Variants in PCLO observed in about 807,000 individuals in gnomAD.
PCLO encodes piccolo presynaptic cytomatrix protein.
Under a neutral mutation model 427.5 loss-of-function variants are expected in PCLO, and 82 were observed. That is an observed-to-expected ratio of 0.19 (90% CI 0.16 to 0.23). The LOEUF is 0.23. Among genes scored for constraint, PCLO ranks in the 10% least tolerant of loss-of-function variants. The probability of loss-of-function intolerance (pLI) is 1.00; values close to 1 mark genes in which losing one functional copy is unlikely to be tolerated. For synonymous variants in PCLO, 2,357 were observed against 2,155.4 expected (o/e 1.09, Z -2.59); for missense variants, 6,239 against 6,115.9 (o/e 1.02, Z -0.67).
intron 2 of PCLO, among the ~76,000 whole-genome samples, chr7:83,146,882 A>G (rs1792008848): frequency 1.3e-5 from 2 of 152,036 alleles, no homozygotes; most frequent in Admixed American, 1.3e-4. Flanking sequence ...GATTACAAGC[A>G]TGAGCCACCG....
In PCLO at chr7:82,807,752, GTATAAGTTA is replaced by G. The variant is rs141559926; in HGVS notation, c.14792-1932_14792-1924del. 3.1e-3 allele frequency among the ~76,000 whole-genome samples: 468 copies of G among 152,006 alleles called. 2 individuals are homozygous for G. Among genetic ancestry groups the G allele is most frequent in the African/African-American group, 0.011 (454 of 41,502 alleles). On this transcript the variant is annotated intron_variant, in intron 20 of 24. Coordinates refer to ENST00000333891, the MANE Select transcript of PCLO (RefSeq NM_033026.6). ...AGTTAGTCAATTGTATATCAGATGT[GTATAAGTTA>G]GAAACGGCTATTTAGGAAAATGTGT...
chr7:82,836,301 C>T (rs1015264505), intron 15 of PCLO, among the ~76,000 whole-genome samples: 1 of 152,100 alleles, frequency 6.6e-6, no homozygotes, highest in Non-Finnish European at 1.5e-5. Context: ...TTATTACAGA[C>T]AAATCCTTGG....
intron 6 of PCLO, among the ~76,000 whole-genome samples, chr7:82,928,825 T>C (rs1794775415): frequency 6.6e-6 from 1 of 152,158 alleles, no homozygotes; most frequent in Admixed American, 6.6e-5. Context: ...TGGATACACA[T>C]ACTGTACAGT....
At chr7:83,035,995 C>A (rs1051785229) in intron 3 of PCLO, among the ~76,000 whole-genome samples, 3 of 152,088 alleles carry the variant, frequency 2.0e-5, no homozygotes, top group Non-Finnish European at 4.4e-5. Flanking sequence ...CTATACATTA[C>A]CTTCTTAAAT....
chr7:82,913,805 A>C (rs1172515971), intron 7 of PCLO, among the ~76,000 whole-genome samples: 2 of 152,066 alleles, frequency 1.3e-5, no homozygotes, highest in African/African-American at 2.4e-5. Context: ...TTTTTAGTTA[A>C]GTATTTACTT....
At chr7:83,141,937 T>G (rs1791871938) in intron 2 of PCLO, among the ~76,000 whole-genome samples, 1 of 152,174 alleles carries the variant, frequency 6.6e-6, no homozygotes. Flanking sequence ...AGCAATGAAG[T>G]GAATTGATAA....
At chr7:83,127,564 T>C (rs538744315) in intron 3 of PCLO, among the ~76,000 whole-genome samples, 4 of 152,214 alleles carry the variant, frequency 2.6e-5, no homozygotes, top group Admixed American at 6.5e-5. Context: ...ATTATTGAAA[T>C]AGAATTTTAA....
intron 3 of PCLO, among the ~76,000 whole-genome samples, chr7:82,978,475 T>A (rs1448154642): frequency 6.6e-6 from 1 of 152,124 alleles, no homozygotes; most frequent in African/African-American, 2.4e-5. Context: ...TTAAATCCAT[T>A]CATAAGATAA....
At chr7:82,760,941 G>GTATTTTTTTTTTT (rs1324417909) in intron 23 of PCLO, among the ~76,000 whole-genome samples, 157 bp from the exon 24 acceptor site, 1 of 87,984 alleles carries the variant, frequency 1.1e-5, no homozygotes, top group African/African-American at 3.9e-5. Flanking sequence ...TAAAAGATAT[G>GTATTTTTTTTTTT]TCTTTTTTTT....
intron 3 of PCLO, among the ~76,000 whole-genome samples, chr7:83,103,212 G>A (rs1315652348): frequency 1.3e-5 from 2 of 151,788 alleles, no homozygotes; most frequent in African/African-American, 4.8e-5. Context: ...TGCACTAACT[G>A]TAATCTACTC....
chr7:83,150,984 C>CAGTCTGT (rs1283870617), intron 2 of PCLO, among the ~76,000 whole-genome samples: 1 of 152,116 alleles, frequency 6.6e-6, no homozygotes, highest in Non-Finnish European at 1.5e-5. Context: ...GTGTTTTACA[C>CAGTCTGT]CACAACTGTG....
intron 6 of PCLO, among the ~76,000 whole-genome samples, chr7:82,934,486 T>C (rs534305337): frequency 2.1e-4 from 32 of 151,996 alleles, no homozygotes; most frequent in African/African-American, 6.7e-4. Context: ...AGTCTAACGA[T>C]GTTTATTTTA....
At chr7:83,078,292 A>G (rs1006936053) in intron 3 of PCLO, among the ~76,000 whole-genome samples, 5 of 152,104 alleles carry the variant, frequency 3.3e-5, no homozygotes, top group Non-Finnish European at 7.3e-5. Flanking sequence ...GTTATTTTCA[A>G]GTAGAATTTA....
intron 3 of PCLO, among the ~76,000 whole-genome samples, chr7:83,024,860 C>T (rs1387855970): frequency 5.9e-5 from 9 of 152,104 alleles, no homozygotes; most frequent in Non-Finnish European, 7.3e-5. Context: ...ACACCTCACA[C>T]GGCAGGGTAC....
At chr7:82,942,241 T>TA (rs1462136824) in intron 6 of PCLO, among the ~76,000 whole-genome samples, 1 of 152,238 alleles carries the variant, frequency 6.6e-6, no homozygotes, top group Non-Finnish European at 1.5e-5. Flanking sequence ...TAATTACTGT[T>TA]AAATAGTGCT....
chr7:83,068,052 T>C lies in PCLO; in HGVS notation c.3300+66198A>G, dbSNP rs1472634133. Reference sequence around the variant, plus strand: ...TACATAAGAATTCTCCTTTTAACAATATTGGGTAATATATAAAAGTCAAAA... The same window carrying C: ...TACATAAGAATTCTCCTTTTAACAACATTGGGTAATATATAAAAGTCAAAA... On this transcript the variant is annotated intron_variant, in intron 3 of 24. Coordinates refer to ENST00000333891, the MANE Select transcript of PCLO (RefSeq NM_033026.6). 2.2e-5 allele frequency among the ~76,000 whole-genome samples: 3 copies of C among 138,398 alleles called. No homozygotes were observed. The East Asian group carries it at 6.4e-4, about 30-fold the overall frequency. 90.8% of individuals were successfully genotyped at this position (138,398 alleles called of 152,430 possible).
intron 22 of PCLO, among the ~76,000 whole-genome samples, chr7:82,799,961 C>T (rs1298527521): frequency 6.6e-6 from 1 of 152,004 alleles, no homozygotes; most frequent in Non-Finnish European, 1.5e-5. Flanking sequence ...TTCTAGTTTC[C>T]TGGTTGGACA....
chr7:82,827,887 T>G lies in PCLO; in HGVS notation c.14329A>C (p.Ile4777Leu), dbSNP rs1791987785. The G allele has an allele frequency of 6.4e-7, 1 of 1,569,974 alleles. No homozygotes were observed. The highest frequency in any genetic ancestry group is 8.8e-7 in the Non-Finnish European group (1 of 1,142,236). The change falls in exon 17 of 25, where the codon ATT (isoleucine) becomes CTT (leucine). Residue 4777 changes from isoleucine (I) to leucine (L), a missense_variant. This residue lies in a region of PCLO where 877 missense variants were observed against 925.5 expected (regional missense o/e 0.95). Coordinates refer to ENST00000333891, the MANE Select transcript of PCLO (RefSeq NM_033026.6). The stretch of plus-strand genomic sequence containing the variant: ...TCTTGACATACCTGTTCCATGGAAA[T>G]ACTTTTATAAATTACTGTTTGATTC... ...EWNQTVIYKS[I>L]SMEQLKKKTL...
chr7:83,075,441 T>G (rs890108559), intron 3 of PCLO, among the ~76,000 whole-genome samples: 6 of 152,118 alleles, frequency 3.9e-5, no homozygotes, highest in African/African-American at 1.4e-4. Flanking sequence ...CAAAGAAACC[T>G]GAATTCTAAA....
Sources: gnomAD v4.1 joint callset for allele counts (sites outside exome capture counted in the v4.1 genomes callset) on GRCh38, gnomAD v4.1.1 for gene constraint, gnomAD v4.1.1 regional missense constraint, MANE v1.5 for transcripts, NCBI Gene and HGNC (gene_info 2026-07-23, HGNC 2026-07-21) for gene names.